PATJ: variants seen among roughly 807,000 people sequenced by gnomAD.
PATJ encodes PATJ crumbs cell polarity complex component, also known as inaD-like protein.
A neutral mutation model predicts 224.9 loss-of-function variants in PATJ; 190 were observed. That is an observed-to-expected ratio of 0.84 (90% CI 0.75 to 0.95). The LOEUF (loss-of-function observed/expected upper bound fraction) is 0.95, where lower values mean the gene tolerates loss of function less well. Ranked by LOEUF, PATJ falls within the 40% of genes least tolerant of loss-of-function variation. PATJ has a pLI of 0.00. For missense variants in PATJ, 2,121 were observed against 2,270.3 expected, an observed-to-expected ratio of 0.93 and a Z score of 1.34; for synonymous variants, 769 against 820.3, an observed-to-expected ratio of 0.94 and a Z score of 1.07.
intron 39 of PATJ, among the ~76,000 whole-genome samples, chr1:62,124,720 T>C (rs1192249655): frequency 1.3e-5 from 2 of 152,182 alleles, no homozygotes; most frequent in African/African-American, 4.8e-5. Flanking sequence ...ACTTTCTTGC[T>C]GTAGCCACAC....
chr1:62,163,027 G>A lies in PATJ; in HGVS notation c.*1973G>A. On this transcript the variant is annotated 3_prime_UTR_variant, in exon 44 of 44. Coordinates refer to ENST00000642238, the MANE Select transcript of PATJ (RefSeq NM_001350145.3). ...CAGCATTATTTAACTACAACACAAT[G>A]CTGCAAATATTTCACAGTAATTATC... 1 of 244,040 alleles carries A rather than the reference G, an allele frequency of 4.1e-6. No individual in the cohort carries two copies. The highest frequency in any genetic ancestry group is 8.5e-6 in the Non-Finnish European group (1 of 117,152). The allele number at this position is 244,040 out of a possible 1,614,324, so 15.1% of individuals were successfully genotyped here. A position where few individuals can be genotyped will look rare whatever the true frequency, so the allele number is the denominator to read the frequency against.
chr1:61,986,479 A>G (rs543827843), intron 27 of PATJ, among the ~76,000 whole-genome samples: 1 of 152,212 alleles, frequency 6.6e-6, no homozygotes, highest in East Asian at 1.9e-4. Flanking sequence ...AAAGTGCAGT[A>G]GTACAGTCAT....
At chr1:61,812,433 AGTGTGTGT>A (rs71050167) in intron 14 of PATJ, among the ~76,000 whole-genome samples, 4 of 85,150 alleles carry the variant, frequency 4.7e-5, no homozygotes, top group African/African-American at 9.0e-5. Context: ...AGAGAGAGAG[AGTGTGTGT>A]GTGTGTGTGT....
chr1:62,147,379 G>A (rs1668144713), intron 41 of PATJ, among the ~76,000 whole-genome samples: 1 of 152,130 alleles, frequency 6.6e-6, no homozygotes, highest in Non-Finnish European at 1.5e-5. Flanking sequence ...TTGAAGGCCG[G>A]GCACAGGAGC....
intron 33 of PATJ, among the ~76,000 whole-genome samples, chr1:62,100,044 C>G (rs904384074): frequency 6.6e-6 from 1 of 152,148 alleles, no homozygotes; most frequent in African/African-American, 2.4e-5. Flanking sequence ...TCCAACAATT[C>G]AGAATTTAAA....
intron 27 of PATJ, among the ~76,000 whole-genome samples, chr1:61,975,414 T>C (rs1056919614): frequency 6.6e-6 from 1 of 152,092 alleles, no homozygotes; most frequent in Non-Finnish European, 1.5e-5. Flanking sequence ...CTTATATCTC[T>C]AGCAAATAGC....
chr1:61,980,260 G>A (rs901576414), intron 27 of PATJ, among the ~76,000 whole-genome samples: 1 of 151,650 alleles, frequency 6.6e-6, no homozygotes, highest in African/African-American at 2.4e-5. Flanking sequence ...ACTCTAGCCT[G>A]GTCAACAGAA....
intron 28 of PATJ, among the ~76,000 whole-genome samples, chr1:62,017,386 C>G (rs1646829147): frequency 6.6e-6 from 1 of 150,522 alleles, no homozygotes; most frequent in African/African-American, 2.5e-5. Context: ...TGCACCCCAT[C>G]CTGGGTGACT....
chr1:61,993,043 C>T (rs1645157589), intron 28 of PATJ, among the ~76,000 whole-genome samples: 1 of 152,084 alleles, frequency 6.6e-6, no homozygotes, highest in African/African-American at 2.4e-5. Context: ...CTGGAGACAG[C>T]GTCAGTCCCA....
intron 22 of PATJ, among the ~76,000 whole-genome samples, chr1:61,897,869 G>A (rs1670602340): frequency 6.6e-6 from 1 of 151,962 alleles, no homozygotes; most frequent in Non-Finnish European, 1.5e-5. Flanking sequence ...CCCTAATGCT[G>A]TGATACTTTC....
chr1:61,886,811 CCCCA>C (rs1571119549), intron 22 of PATJ, among the ~76,000 whole-genome samples: 1 of 21,030 alleles, frequency 4.8e-5, no homozygotes, highest in East Asian at 6.4e-4. Flanking sequence ...CAGAGCAAGA[CCCCA>C]TCTCAAAAAA....
chr1:62,127,413 A>G (rs548874264), intron 39 of PATJ, among the ~76,000 whole-genome samples: 1 of 111,562 alleles, frequency 9.0e-6, no homozygotes, highest in Non-Finnish European at 1.9e-5. Context: ...TCTATTGGTA[A>G]GGAATTTTTT....
rs540988101 is a variant in PATJ at position 62,001,284 on chromosome 1, T to G, written c.3867+10920T>G. On this transcript the variant is annotated intron_variant, in intron 28 of 43. Transcript: ENST00000642238. ...TCGCCCATGCCTATGTCCTGAATGGTAATGCCTAGGTTTTCTTCTAGGGTT... is the reference window on the plus strand; with the variant it reads ...TCGCCCATGCCTATGTCCTGAATGGGAATGCCTAGGTTTTCTTCTAGGGTT... 3.3e-5 allele frequency among the ~76,000 whole-genome samples: 5 copies of G among 151,762 alleles called. No homozygotes were observed. In the South Asian group the frequency reaches 1.0e-3, roughly 32 times the overall value.
chr1:62,001,615 C>G lies in PATJ; in HGVS notation c.3867+11251C>G, dbSNP rs554427313. Among the ~76,000 whole-genome samples the G allele has an allele frequency of 7.2e-5, 11 of 151,822 alleles. No individual in the cohort carries two copies. In the South Asian group the frequency reaches 2.3e-3, roughly 32 times the overall value. On this transcript the variant is annotated intron_variant, in intron 28 of 43. Coordinates refer to ENST00000642238, the MANE Select transcript of PATJ (RefSeq NM_001350145.3). ...TGTAGTATAGTTTGAAATCAGGTAG[C>G]GTGATGCCTCCAGCTTTGTTCTTTC... is the stretch of plus-strand genomic sequence containing the variant.
At chr1:61,970,527 A>G (rs933884623) in intron 27 of PATJ, among the ~76,000 whole-genome samples, 21 of 151,970 alleles carry the variant, frequency 1.4e-4, no homozygotes, top group African/African-American at 7.3e-5. Flanking sequence ...GTGCTCTTCT[A>G]TTCTTCCCAG....
At chr1:62,118,553 CT>C (rs1275097612) in intron 37 of PATJ, among the ~76,000 whole-genome samples, 1 of 152,168 alleles carries the variant, frequency 6.6e-6, no homozygotes, top group African/African-American at 2.4e-5. Flanking sequence ...AAAGTTTGGA[CT>C]GATCGATAGG....
At position 61,873,820 on chromosome 1, in the gene PATJ, A is replaced by C. The variant is rs139308311; in HGVS notation, c.2836-1423A>C. Among the ~76,000 whole-genome samples the C allele has an allele frequency of 7.9e-3, 1,205 of 152,312 alleles. 17 individuals carry two copies. Among genetic ancestry groups the C allele is most frequent in the African/African-American group, 0.027 (1,134 of 41,562 alleles). On this transcript the variant is annotated intron_variant, in intron 20 of 43. Coordinates refer to ENST00000642238, the MANE Select transcript of PATJ (RefSeq NM_001350145.3). ...CCCACAGCAGGCTGGAGACCCATGC[A>C]CTGGGGGGAATGGGGTGGAGCCACC...
intron 18 of PATJ, 99 bp from the exon 19 acceptor site, chr1:61,861,452 C>T (rs1184136388): frequency 6.7e-6 from 4 of 599,592 alleles, no homozygotes; most frequent in Non-Finnish European, 5.9e-6. Context: ...GGTTTTAAGC[C>T]CCGTGTGCAT....
At chr1:62,075,708 G>A (rs979386399) in intron 31 of PATJ, among the ~76,000 whole-genome samples, 2 of 152,078 alleles carry the variant, frequency 1.3e-5, no homozygotes, top group Admixed American at 1.3e-4. Context: ...CACAAGGTCA[G>A]GAGATCTAGA....
Sources: gnomAD v4.1 joint callset for allele counts (sites outside exome capture counted in the v4.1 genomes callset) on GRCh38, gnomAD v4.1.1 for gene constraint, MANE v1.5 for transcripts, NCBI Gene and HGNC (gene_info 2026-07-23, HGNC 2026-07-21) for gene names.